The following SIN3A variants were observed in gnomAD, a reference collection of about 807,000 sequenced individuals.
SIN3A encodes SIN3 transcription regulator family member A.
Under a neutral mutation model 146.1 loss-of-function variants are expected in SIN3A, and 14 were observed. The ratio of observed to expected loss-of-function variants is 0.10; its 90% CI spans 0.06 to 0.15. The LOEUF is 0.15. Ranked by LOEUF, SIN3A falls within the 10% of genes least tolerant of loss-of-function variation. The pLI is 1.00. For missense variants in SIN3A, 1,028 were observed against 1,576.0 expected (o/e 0.65, Z 5.89); for synonymous variants, 572 against 572.0 (o/e 1.00, Z 0.00).
At chr15:75,386,828 G>A (rs1211489169) in intron 16 of SIN3A, among the ~76,000 whole-genome samples, 2 of 152,168 alleles carry the variant, frequency 1.3e-5, no homozygotes, top group Admixed American at 6.5e-5. Context: ...CAATAGGTAA[G>A]ATAAATGTAA....
At position 75,405,553 on chromosome 15, in the gene SIN3A, C is replaced by T. The variant is rs754623924; in HGVS notation, c.1407+1502G>A. ...ATCACCTGAAGCCAGGAGTTCAAGA[C>T]CAGCCTGGCCAACATGGTGAAACCC... is the stretch of plus-strand genomic sequence containing the variant. On this transcript the variant is annotated intron_variant, in intron 9 of 20. Coordinates refer to ENST00000394947, the MANE Select transcript of SIN3A (RefSeq NM_001145358.2). 9.2e-5 allele frequency among the ~76,000 whole-genome samples: 14 copies of T among 151,996 alleles called. 1 individual carries two copies. The highest frequency in any genetic ancestry group is 1.9e-4 in the Non-Finnish European group (13 of 68,010).
chr15:75,452,142 A>C (rs1011596973), upstream of SIN3A, among the ~76,000 whole-genome samples: 2 of 152,196 alleles, frequency 1.3e-5, no homozygotes, highest in African/African-American at 4.8e-5. Flanking sequence ...AATGTCTGTA[A>C]GTGAAACAGG....
intron 1 of SIN3A, among the ~76,000 whole-genome samples, chr15:75,449,583 C>T (rs989201105): frequency 4.5e-4 from 69 of 152,168 alleles, no homozygotes; most frequent in African/African-American, 1.5e-3. Flanking sequence ...TGGAGGGCAA[C>T]GCTACAGAAG....
At chr15:75,423,725 T>C (rs532642597) in intron 2 of SIN3A, among the ~76,000 whole-genome samples, 4 of 152,170 alleles carry the variant, frequency 2.6e-5, no homozygotes, top group African/African-American at 4.8e-5. Flanking sequence ...CTGGGAACAG[T>C]GTCTCACACC....
upstream of SIN3A, chr15:75,455,632 T>C (rs2074477815): frequency 6.6e-6 from 1 of 152,088 alleles, no homozygotes; most frequent in Non-Finnish European, 1.5e-5. Flanking sequence ...GTCCCTCGCC[T>C]ACCTCGGCCG....
At chr15:75,381,787 G>T in intron 17 of SIN3A, 82 bp from the exon 18 acceptor site, 1 of 1,170,880 alleles carries the variant, frequency 8.5e-7, no homozygotes, top group Non-Finnish European at 1.3e-6. Context: ...GAGGTGCAGA[G>T]GCAATAAACT....
At chr15:75,415,398 A>T (rs1281693502) in intron 3 of SIN3A, 1 of 158,574 alleles carries the variant, frequency 6.3e-6, no homozygotes, top group Non-Finnish European at 1.4e-5. Flanking sequence ...ATGCCACTGC[A>T]TCCCGCACTC....
At chr15:75,410,362 C>T in intron 6 of SIN3A, 76 bp from the exon 7 acceptor site, 1 of 1,408,932 alleles carries the variant, frequency 7.1e-7, no homozygotes, top group Non-Finnish European at 9.9e-7. Flanking sequence ...TTTCTGGAAT[C>T]ACTGTTATCT....
intron 3 of SIN3A, chr15:75,421,917 T>C (rs996328402): frequency 6.6e-6 from 1 of 152,098 alleles, no homozygotes; most frequent in African/African-American, 2.4e-5. Flanking sequence ...CCACACATAC[T>C]CAGCAGAAAA....
chr15:75,389,328 C>T (rs1192297267), intron 16 of SIN3A, among the ~76,000 whole-genome samples: 2 of 151,900 alleles, frequency 1.3e-5, no homozygotes, highest in African/African-American at 4.8e-5. Flanking sequence ...CTTACCAACA[C>T]CTATGGAAGA....
chr15:75,416,253 C>T (rs1021812418), intron 3 of SIN3A, among the ~76,000 whole-genome samples: 1 of 152,174 alleles, frequency 6.6e-6, no homozygotes, highest in South Asian at 2.1e-4. Flanking sequence ...GCTGGACTGA[C>T]GTGGGGAAAA....
chr15:75,438,872 T>G (rs2074151624), intron 1 of SIN3A, among the ~76,000 whole-genome samples: 1 of 152,242 alleles, frequency 6.6e-6, no homozygotes, highest in Non-Finnish European at 1.5e-5. Context: ...TTCAACCCAG[T>G]GCAATTTTGA....
At chr15:75,374,010 TA>T (rs1377354080) in intron 20 of SIN3A, among the ~76,000 whole-genome samples, 1 of 152,182 alleles carries the variant, frequency 6.6e-6, no homozygotes, top group Non-Finnish European at 1.5e-5. Context: ...CTTTCAAACT[TA>T]AAACAGCACT....
intron 1 of SIN3A, among the ~76,000 whole-genome samples, chr15:75,442,153 A>ACC (rs2074226410): frequency 8.3e-6 from 1 of 120,898 alleles, no homozygotes; most frequent in Admixed American, 8.5e-5. Flanking sequence ...AAAAAAAAAA[A>ACC]CTGATTTTTT....
At chr15:75,451,849 G>C, upstream of SIN3A, 1 of 151,884 alleles carries the variant, frequency 6.6e-6, no homozygotes, top group Non-Finnish European at 1.5e-5. Flanking sequence ...TGGTAGGGGA[G>C]GGGGAGCCGC....
chr15:75,396,511 A>C lies in SIN3A; in HGVS notation c.1855-15T>G. The C allele has an allele frequency of 6.3e-7, 1 of 1,576,816 alleles. No individual in the cohort carries two copies. Among genetic ancestry groups the C allele is most frequent in the Non-Finnish European group, 8.7e-7 (1 of 1,147,872 alleles). The stretch of plus-strand genomic sequence containing the variant: ...ACTACATCAAGCTGAAGAGGAAGAC[A>C]AAGAAGGGTATGCTCAGGACCCAAA... On this transcript the variant is annotated splice_polypyrimidine_tract_variant and intron_variant, in intron 12 of 20. Transcript: ENST00000394947.
At chr15:75,455,023 C>T (rs894667115), upstream of SIN3A, 17 of 151,810 alleles carry the variant, frequency 1.1e-4, no homozygotes, top group East Asian at 3.9e-4. Flanking sequence ...CGCAGGGGCT[C>T]TTTCCGGTGG....
intron 9 of SIN3A, among the ~76,000 whole-genome samples, chr15:75,404,779 C>CA (rs1022332432): frequency 6.8e-6 from 1 of 147,792 alleles, no homozygotes; most frequent in African/African-American, 2.5e-5. Flanking sequence ...AAAAAAAAAA[C>CA]AAAAAAACAA....
At chr15:75,401,017 G>A in intron 10 of SIN3A, 77 bp from the exon 11 acceptor site, 1 of 1,002,926 alleles carries the variant, frequency 1.0e-6, no homozygotes, top group Non-Finnish European at 1.5e-6. Context: ...ACTACCATCT[G>A]GTTTTGGATC....
Sources: allele counts gnomAD v4.1 joint callset (sites outside exome capture counted in the v4.1 genomes callset), GRCh38; gene constraint gnomAD v4.1.1; transcripts MANE v1.5; gene names NCBI Gene and HGNC (gene_info 2026-07-23, HGNC 2026-07-21).